Variants in CSF2RB observed in about 807,000 individuals in gnomAD.
CSF2RB encodes cytokine receptor common subunit beta.
In CSF2RB, 22 loss-of-function variants were observed where a neutral mutation model predicts 67.2. That is an observed-to-expected ratio of 0.33 (90% confidence interval 0.23 to 0.47). The LOEUF (loss-of-function observed/expected upper bound fraction) is 0.47. CSF2RB is among the 20% of genes least tolerant of loss of function. The probability of loss-of-function intolerance (pLI) is 1.00; values close to 1 mark genes in which losing one functional copy is unlikely to be tolerated. For missense variants in CSF2RB, 1,113 were observed against 1,174.5 expected, an observed-to-expected ratio of 0.95 and a Z score of 0.76; for synonymous variants, 507 against 482.9, an observed-to-expected ratio of 1.05 and a Z score of -0.65.
At chr22:36,928,998 G>A (rs1941085273) in intron 4 of CSF2RB, among the ~76,000 whole-genome samples, 1 of 152,186 alleles carries the variant, frequency 6.6e-6, no homozygotes, top group Admixed American at 6.5e-5. Context: ...CTGACAACAG[G>A]AAGGACCCTG....
chr22:36,913,874 G>A (rs2075725), intron 1 of CSF2RB, among the ~76,000 whole-genome samples, 197 bp downstream of exon 1: 70,674 of 151,870 alleles, frequency 0.47, 18,181 homozygotes, highest in East Asian at 0.57. Context: ...CAGTGGATGG[G>A]GAGGCAGCCA....
rs749562198 is a variant in CSF2RB at position 36,929,399 on chromosome 22, C to T, written c.392-3C>T. 2 of 1,614,188 alleles carry T rather than the reference C, an allele frequency of 1.2e-6. No individual in the cohort carries two copies. The highest frequency in any genetic ancestry group is 2.2e-5 in the South Asian group (2 of 91,084). On this transcript the variant is annotated splice_polypyrimidine_tract_variant and splice_region_variant and intron_variant, in intron 4 of 13. Transcript: ENST00000403662. Reference sequence around the variant, plus strand: ...TAGGTGCCCTTCACTTCCTCCCCTCCAGTCCAGCCTCCTGAGCCCAGGGAC... The same window carrying T: ...TAGGTGCCCTTCACTTCCTCCCCTCTAGTCCAGCCTCCTGAGCCCAGGGAC...
At position 36,930,493 on chromosome 22, in the gene CSF2RB, G is replaced by A. The variant is rs1191270927; in HGVS notation, c.837G>A (p.Lys279=). 9 of 1,613,444 alleles carry A rather than the reference G, an allele frequency of 5.6e-6. No individual in the cohort carries two copies. The highest frequency in any genetic ancestry group is 7.6e-6 in the Non-Finnish European group (9 of 1,180,020). ...CGGTCTCCTTTGGCCTATTCTACAA[G>A]CCCAGCCCAGATGCAGGGTGAGCAT... ...ASSVSFGLFY[K]PSPDAGEEEC... Residue 279 remains lysine (K), a synonymous_variant, in exon 7 of 14, where the codon AAG becomes AAA. Transcript: ENST00000403662.
chr22:36,936,698 G>T (rs548283650), intron 13 of CSF2RB, 46 bp downstream of exon 13: 1 of 1,513,256 alleles, frequency 6.6e-7, no homozygotes, highest in East Asian at 2.3e-5. Context: ...GTTCATACGG[G>T]GGGCTGACTC....
chr22:36,928,851 G>C (rs78808113), intron 4 of CSF2RB, among the ~76,000 whole-genome samples: 1 of 152,306 alleles, frequency 6.6e-6, no homozygotes, highest in Non-Finnish European at 1.5e-5. Context: ...AGAAGCATAG[G>C]AATCCCTCAG....
chr22:36,920,018 G>GTTGAGA (rs1299755503), intron 1 of CSF2RB, among the ~76,000 whole-genome samples: 1 of 152,156 alleles, frequency 6.6e-6, no homozygotes, highest in African/African-American at 2.4e-5. Context: ...ATCTCAACCT[G>GTTGAGA]TTCCTTACCA....
intron 8 of CSF2RB, among the ~76,000 whole-genome samples, chr22:36,931,660 G>A (rs1941149041): frequency 6.6e-6 from 1 of 152,220 alleles, no homozygotes; most frequent in Non-Finnish European, 1.5e-5. Flanking sequence ...ACAGCTATTA[G>A]TAGGCAGATC....
chr22:36,919,322 C>G (rs990753791), intron 1 of CSF2RB, among the ~76,000 whole-genome samples: 9 of 152,174 alleles, frequency 5.9e-5, no homozygotes, highest in Non-Finnish European at 1.0e-4. Flanking sequence ...CTTTTCATCT[C>G]CTTGACTATT....
chr22:36,932,805 A>G lies in CSF2RB; in HGVS notation c.1053A>G (p.Gly351=), dbSNP rs758266981. The G allele has an allele frequency of 1.9e-6, 3 of 1,614,122 alleles. No homozygotes were observed. In the Admixed American group the frequency reaches 5.0e-5, roughly 27 times the overall value. Residue 351 remains glycine, a synonymous_variant, in exon 9 of 14, where the codon GGA becomes GGG. Coordinates refer to ENST00000403662, the MANE Select transcript of CSF2RB (RefSeq NM_000395.3). ...CATCCCTCAACGTGACCAAGGATGGAGACAGCTACAGCCTGCGCTGGGAAA... is the reference window on the plus strand; with the variant it reads ...CATCCCTCAACGTGACCAAGGATGGGGACAGCTACAGCCTGCGCTGGGAAA... ...APPSLNVTKD[G]DSYSLRWETM...
At chr22:36,926,237 G>T in intron 4 of CSF2RB, 60 bp downstream of exon 4, 1 of 1,565,294 alleles carries the variant, frequency 6.4e-7, no homozygotes, top group Non-Finnish European at 8.8e-7. Context: ...GGGGGCACCA[G>T]GGGTGGTCCA....
At position 36,929,301 on chromosome 22, in the gene CSF2RB, G is replaced by A. The variant is rs991635780; in HGVS notation, c.392-101G>A. ...AAGGTCCCTCAGCTGCTGGGGGCAG[G>A]GGTGGCCTGGAACCCCCTGTGTCCA... On this transcript the variant is annotated intron_variant, in intron 4 of 13. Transcript: ENST00000403662. 3.3e-6 allele frequency: 5 copies of A among 1,512,380 alleles called. No homozygotes were observed. In the African/African-American group the frequency reaches 6.9e-5, roughly 21 times the overall value. 93.7% of individuals were successfully genotyped at this position (1,512,380 alleles called of 1,614,324 possible). A position where few individuals can be genotyped will look rare whatever the true frequency, so the allele number is the denominator to read the frequency against.
At chr22:36,933,259 A>C (rs1482616592) in intron 9 of CSF2RB, among the ~76,000 whole-genome samples, 2 of 152,244 alleles carry the variant, frequency 1.3e-5, no homozygotes, top group African/African-American at 4.8e-5. Flanking sequence ...TCATCTGGAC[A>C]CACATGGAGG....
At chr22:36,932,586 G>A (rs1435221588) in intron 8 of CSF2RB, among the ~76,000 whole-genome samples, 179 bp from the exon 9 acceptor site, 5 of 152,202 alleles carry the variant, frequency 3.3e-5, no homozygotes, top group Non-Finnish European at 5.9e-5. Flanking sequence ...CATCTCCCAC[G>A]AGAATACCAC....
At chr22:36,922,682 A>C in intron 2 of CSF2RB, 2 of 347,154 alleles carry the variant, frequency 5.8e-6, no homozygotes, top group Non-Finnish European at 1.1e-5. Context: ...AGCCGCTAGC[A>C]CCCTCCTTGT....
chr22:36,922,569 T>C lies in CSF2RB; in HGVS notation c.76+286T>C, dbSNP rs1349839233. The C allele has an allele frequency of 1.1e-5, 6 of 555,844 alleles. No individual in the cohort carries two copies. The Admixed American group carries it at 1.5e-4, about 14-fold the overall frequency. 34.4% of individuals were successfully genotyped at this position (555,844 alleles called of 1,614,324 possible). A position where few individuals can be genotyped will look rare whatever the true frequency, so the allele number is the denominator to read the frequency against. On this transcript the variant is annotated intron_variant, in intron 2 of 13. Coordinates refer to ENST00000403662, the MANE Select transcript of CSF2RB (RefSeq NM_000395.3). ...CTCCAGGATGGCTGCTCTGGCCGTT[T>C]CCCTGCCCCTCCTTCCCCAGCAGAC...
At chr22:36,929,883 TCCTGGGCTCCA>T in intron 6 of CSF2RB, 76 bp downstream of exon 6, 1 of 1,541,080 alleles carries the variant, frequency 6.5e-7, no homozygotes, top group Non-Finnish European at 8.8e-7. Flanking sequence ...ACAGCAGGGT[TCCTGGGCTCCA>T]CCTGGGGGCT....
intron 1 of CSF2RB, among the ~76,000 whole-genome samples, chr22:36,914,007 G>T (rs1439192122): frequency 6.6e-6 from 1 of 152,048 alleles, no homozygotes; most frequent in Non-Finnish European, 1.5e-5. Context: ...AGGCCTGGGA[G>T]TCAGGCACCT....
rs1266161339 is a variant in CSF2RB, at chr22:36,939,202, C to T, written c.*700C>T. On this transcript the variant is annotated 3_prime_UTR_variant, in exon 14 of 14. Coordinates refer to ENST00000403662, the MANE Select transcript of CSF2RB (RefSeq NM_000395.3). ...TTCTGGGGAGCCCTGCTAGTTGTCT[C>T]AGTGATGTCTGTGGGACCTCCAGTC... is the stretch of plus-strand genomic sequence containing the variant. 22 of 702,212 alleles carry T rather than the reference C, an allele frequency of 3.1e-5. No homozygotes were observed. Among genetic ancestry groups the T allele is most frequent in the Non-Finnish European group, 5.2e-5 (20 of 384,848 alleles). The allele number at this position is 702,212 out of a possible 1,614,324, so 43.5% of individuals were successfully genotyped here.
Position 36,930,798 on chromosome 22 carries a change from G to A in CSF2RB, c.980G>A (p.Arg327Lys), listed in dbSNP as rs1941133890. 7 of 1,614,144 alleles carry A rather than the reference G, an allele frequency of 4.3e-6. No homozygotes were observed. The East Asian group carries it at 1.6e-4, about 36-fold the overall frequency. Residue 327 changes from arginine (R) to lysine (K), a missense_variant, in exon 8 of 14, where the codon AGG (arginine) becomes AAG (lysine). Coordinates refer to ENST00000403662, the MANE Select transcript of CSF2RB (RefSeq NM_000395.3). ...TACATCGTCTCTGTTCAGCCAAGGA[G>A]GGCAGAGAAACACATAAAGAGCTCA... ...GQYIVSVQPR[R>K]AEKHIKSSVN...
Sources: gnomAD v4.1 joint callset for allele counts (sites outside exome capture counted in the v4.1 genomes callset) on GRCh38, gnomAD v4.1.1 for gene constraint, MANE v1.5 for transcripts, NCBI Gene and HGNC (gene_info 2026-07-23, HGNC 2026-07-21) for gene names.